ANXA3: variants seen among roughly 807,000 people sequenced by gnomAD.
ANXA3 encodes annexin A3, also known as 35-alpha calcimedin.
In ANXA3, 46 loss-of-function variants were observed where a neutral mutation model predicts 48.8. The ratio of observed to expected loss-of-function variants is 0.94; its 90% CI spans 0.74 to 1.21. ANXA3 has a LOEUF of 1.21. ANXA3 is among the 50% of genes most tolerant of loss of function. ANXA3 has a pLI of 0.00. For missense variants in ANXA3, 383 were observed against 378.6 expected, an observed-to-expected ratio of 1.01 and a Z score of -0.10; for synonymous variants, 128 against 134.7, an observed-to-expected ratio of 0.95 and a Z score of 0.35.
intron 2 of ANXA3, among the ~76,000 whole-genome samples, chr4:78,558,278 T>C (rs556930843): frequency 2.6e-5 from 4 of 152,344 alleles, no homozygotes; most frequent in African/African-American, 9.6e-5. Flanking sequence ...AGTTTCAGTA[T>C]TGAAAGATGA....
intron 5 of ANXA3, among the ~76,000 whole-genome samples, chr4:78,584,994 T>C (rs968473806): frequency 9.8e-5 from 15 of 152,318 alleles, no homozygotes; most frequent in Non-Finnish European, 2.2e-4. Flanking sequence ...GGAGGAGTTC[T>C]GTGTTGGGCG....
In ANXA3 at chr4:78,573,209, T is replaced by C. The variant is rs1722875887; in HGVS notation, c.45T>C (p.Tyr15=). ...WVGHRGTVRD[Y]PDFSPSVDAE... ...GACACCGAGGAACAGTAAGAGATTA[T>C]CCAGACTTTAGCCCATCAGTGGATG... The change falls in exon 3 of 13, where the codon TAT becomes TAC. Residue 15 remains tyrosine, a synonymous_variant. Transcript: ENST00000264908. The C allele has an allele frequency of 6.2e-7, 1 of 1,613,550 alleles. No homozygotes were observed. Among genetic ancestry groups the C allele is most frequent in the Non-Finnish European group, 8.5e-7 (1 of 1,179,720 alleles).
chr4:78,576,463 AT>A (rs1033730658), intron 3 of ANXA3, among the ~76,000 whole-genome samples: 2 of 151,948 alleles, frequency 1.3e-5, no homozygotes, highest in Non-Finnish European at 2.9e-5. Flanking sequence ...TGTGTACCTA[AT>A]TTTTAAATTT....
At chr4:78,606,971 G>C (rs1304198496) in intron 12 of ANXA3, among the ~76,000 whole-genome samples, 1 of 152,182 alleles carries the variant, frequency 6.6e-6, no homozygotes, top group Non-Finnish European at 1.5e-5. Flanking sequence ...CATTAACCAT[G>C]TTGTAGCTAC....
At chr4:78,554,248 A>G (rs1216036899) in intron 1 of ANXA3, among the ~76,000 whole-genome samples, 188 bp from the exon 2 acceptor site, 4 of 152,124 alleles carry the variant, frequency 2.6e-5, no homozygotes, top group African/African-American at 7.2e-5. Context: ...TCCCTTGCAT[A>G]TGGTAGATGC....
chr4:78,573,124 T>A (rs1481518240), intron 2 of ANXA3, 56 bp from the exon 3 acceptor site: 1 of 1,272,398 alleles, frequency 7.9e-7, no homozygotes, highest in Admixed American at 1.7e-5. Context: ...TATGCATATG[T>A]AATACAAGAA....
intron 3 of ANXA3, among the ~76,000 whole-genome samples, chr4:78,576,355 G>A (rs1325139082): frequency 3.3e-5 from 5 of 151,496 alleles, no homozygotes; most frequent in Non-Finnish European, 4.4e-5. Context: ...ACCTAGGCTC[G>A]AATGCAGTGA....
chr4:78,603,062 A>C (rs979290265), intron 11 of ANXA3: 1 of 152,242 alleles, frequency 6.6e-6, no homozygotes, highest in East Asian at 1.9e-4. Context: ...TACCAGGCCA[A>C]TTGGTTCCCT....
chr4:78,591,671 CAAT>C, intron 7 of ANXA3, 48 bp downstream of exon 7: 1 of 1,337,402 alleles, frequency 7.5e-7, no homozygotes, highest in East Asian at 2.3e-5. Flanking sequence ...GCTGCATGCT[CAAT>C]AACAATTTTT....
At chr4:78,598,045 C>T (rs537852170) in intron 10 of ANXA3, among the ~76,000 whole-genome samples, 4 of 152,114 alleles carry the variant, frequency 2.6e-5, no homozygotes, top group South Asian at 4.2e-4. Flanking sequence ...AAAACTGAGA[C>T]GTAGGCAAAG....
intron 3 of ANXA3, among the ~76,000 whole-genome samples, chr4:78,574,188 G>T (rs1462486332): frequency 6.6e-6 from 1 of 152,166 alleles, no homozygotes; most frequent in Non-Finnish European, 1.5e-5. Flanking sequence ...GGAGGGGGAG[G>T]CAGGAGGATC....
intron 10 of ANXA3, 60 bp from the exon 11 acceptor site, chr4:78,601,450 A>T: frequency 6.8e-7 from 1 of 1,467,946 alleles, no homozygotes; most frequent in Non-Finnish European, 9.5e-7. Context: ...CATATTACTT[A>T]CTATAGATTA....
intron 1 of ANXA3, among the ~76,000 whole-genome samples, chr4:78,552,643 C>T (rs36039411): frequency 1.3e-5 from 2 of 152,012 alleles, no homozygotes; most frequent in African/African-American, 4.8e-5. Flanking sequence ...GCTACTGATA[C>T]GAAATTGCAT....
intron 2 of ANXA3, among the ~76,000 whole-genome samples, chr4:78,572,329 A>G (rs1298005223): frequency 6.6e-6 from 1 of 152,214 alleles, no homozygotes; most frequent in Non-Finnish European, 1.5e-5. Context: ...CTTCAACTGT[A>G]ACTGCCAGAT....
chr4:78,595,785 T>C lies in ANXA3; in HGVS notation c.541-9T>C, dbSNP rs199722757. The stretch of plus-strand genomic sequence containing the variant: ...AATTGTGTCTCTAATATCATTCTCT[T>C]GTGAATAGATTCTCTATAAAGCTGG... On this transcript the variant is annotated splice_polypyrimidine_tract_variant and intron_variant, in intron 8 of 12. Coordinates refer to ENST00000264908, the MANE Select transcript of ANXA3 (RefSeq NM_005139.3). The C allele has an allele frequency of 1.4e-4, 210 of 1,550,206 alleles. 1 individual carries two copies. Among genetic ancestry groups the C allele is most frequent in the Non-Finnish European group, 1.7e-4 (186 of 1,123,608 alleles).
At chr4:78,571,347 G>A (rs1722837662) in intron 2 of ANXA3, among the ~76,000 whole-genome samples, 2 of 152,152 alleles carry the variant, frequency 1.3e-5, no homozygotes, top group African/African-American at 4.8e-5. Context: ...CTTCAGGTCA[G>A]GAACATTCAC....
intron 5 of ANXA3, among the ~76,000 whole-genome samples, chr4:78,584,308 G>A (rs1387283377): frequency 6.6e-6 from 1 of 151,938 alleles, no homozygotes; most frequent in African/African-American, 2.4e-5. Flanking sequence ...GAGCAGCTGG[G>A]ACTGCAGGCA....
chr4:78,605,298 A>T (rs1723623574), intron 12 of ANXA3, among the ~76,000 whole-genome samples: 8 of 152,168 alleles, frequency 5.3e-5, no homozygotes, highest in Admixed American at 5.2e-4. Context: ...TTGGGTTTTC[A>T]TAATCTGATA....
chr4:78,592,949 A>G (rs1264271023), intron 7 of ANXA3, among the ~76,000 whole-genome samples: 3 of 152,222 alleles, frequency 2.0e-5, no homozygotes, highest in Non-Finnish European at 4.4e-5. Context: ...AGACAGTCAT[A>G]CAAGGACCTA....
Sources: gnomAD v4.1 joint callset for allele counts (sites outside exome capture counted in the v4.1 genomes callset) on GRCh38, gnomAD v4.1.1 for gene constraint, MANE v1.5 for transcripts, NCBI Gene and HGNC (gene_info 2026-07-23, HGNC 2026-07-21) for gene names.